Variants in FOCAD observed in about 807,000 individuals in gnomAD.
FOCAD encodes the protein KIAA1797.
In FOCAD, 198 loss-of-function variants were observed where a neutral mutation model predicts 225.6. That is an observed-to-expected ratio of 0.88 (90% CI 0.78 to 0.99). The LOEUF (loss-of-function observed/expected upper bound fraction) is 0.99. FOCAD is among the 50% of genes least tolerant of loss of function. The probability of loss-of-function intolerance (pLI) is 0.00; values close to 1 mark genes in which losing one functional copy is unlikely to be tolerated. For missense variants in FOCAD, 2,713 were observed against 2,123.6 expected (o/e 1.28, Z -5.46); for synonymous variants, 897 against 755.0 (o/e 1.19, Z -3.08).
At chr9:20,668,523 C>T (rs970838540) in intron 2 of FOCAD, among the ~76,000 whole-genome samples, 2 of 152,132 alleles carry the variant, frequency 1.3e-5, no homozygotes, top group Non-Finnish European at 2.9e-5. Context: ...CAGGCAACAT[C>T]TACATCAAAA....
At chr9:20,678,635 A>G (rs888478074) in intron 2 of FOCAD, among the ~76,000 whole-genome samples, 10 of 152,196 alleles carry the variant, frequency 6.6e-5, no homozygotes, top group African/African-American at 2.4e-5. Context: ...CCCTTGCTTC[A>G]GGAGATCAAG....
intron 15 of FOCAD, among the ~76,000 whole-genome samples, chr9:20,842,886 T>C (rs1285453175): frequency 6.6e-6 from 1 of 151,926 alleles, no homozygotes; most frequent in African/African-American, 2.4e-5. Flanking sequence ...ATATCTCCTG[T>C]GGGTTATTGA....
At chr9:20,929,709 A>C in intron 27 of FOCAD, 113 bp downstream of exon 27, 1 of 819,956 alleles carries the variant, frequency 1.2e-6, no homozygotes. Flanking sequence ...GTGTTTGCTA[A>C]ACTTTCTGAG....
chr9:20,957,777 C>CA, intron 35 of FOCAD, among the ~76,000 whole-genome samples: 1 of 144,014 alleles, frequency 6.9e-6, no homozygotes, highest in Non-Finnish European at 1.5e-5. Context: ...CTCTGCCTCC[C>CA]AAAGTGGATT....
intron 15 of FOCAD, among the ~76,000 whole-genome samples, chr9:20,823,957 A>G (rs781370152): frequency 9.2e-5 from 14 of 152,154 alleles, no homozygotes; most frequent in Non-Finnish European, 2.1e-4. Flanking sequence ...TGAGGAAGAT[A>G]GACCCCAGAG....
At chr9:20,909,779 G>A (rs1400946592) in intron 22 of FOCAD, among the ~76,000 whole-genome samples, 1 of 152,036 alleles carries the variant, frequency 6.6e-6, no homozygotes, top group Admixed American at 6.6e-5. Flanking sequence ...GAGTCCACAC[G>A]CTTAAATAGA....
intron 2 of FOCAD, among the ~76,000 whole-genome samples, chr9:20,673,813 C>T (rs1822150130): frequency 6.6e-6 from 1 of 152,206 alleles, no homozygotes; most frequent in African/African-American, 2.4e-5. Flanking sequence ...CTCAAGCGAT[C>T]TGCCCACCTG....
chr9:20,849,355 A>G (rs1206115787), intron 15 of FOCAD, among the ~76,000 whole-genome samples: 1 of 149,026 alleles, frequency 6.7e-6, no homozygotes, highest in Non-Finnish European at 1.5e-5. Context: ...CCCAACAGTT[A>G]CTGTCTGCTT....
intron 15 of FOCAD, among the ~76,000 whole-genome samples, chr9:20,859,318 G>A (rs1043792524): frequency 3.3e-5 from 5 of 151,428 alleles, no homozygotes; most frequent in African/African-American, 1.2e-4. Flanking sequence ...GGAGGTGGAG[G>A]TTGCAGTGAG....
intron 1 of FOCAD, chr9:20,684,677 A>C (rs934259751): frequency 5.9e-5 from 9 of 152,066 alleles, no homozygotes; most frequent in African/African-American, 2.2e-4. Flanking sequence ...CAGTCGTCCC[A>C]CTCTCCTTCG....
At chr9:20,902,960 A>G (rs1369046099) in intron 21 of FOCAD, among the ~76,000 whole-genome samples, 1 of 151,942 alleles carries the variant, frequency 6.6e-6, no homozygotes, top group Non-Finnish European at 1.5e-5. Flanking sequence ...ATTTTTTTAA[A>G]CTAGGTATTT....
At chr9:20,763,494 A>G (rs1829793066) in intron 6 of FOCAD, among the ~76,000 whole-genome samples, 1 of 152,216 alleles carries the variant, frequency 6.6e-6, no homozygotes, top group Non-Finnish European at 1.5e-5. Context: ...CAATAAAGGC[A>G]TTGTATCTTA....
At chr9:20,986,994 T>TAC (rs1841230571) in intron 40 of FOCAD, among the ~76,000 whole-genome samples, 1 of 152,148 alleles carries the variant, frequency 6.6e-6, no homozygotes, top group African/African-American at 2.4e-5. Flanking sequence ...ACGTTATGCT[T>TAC]TAATAATTAC....
intron 4 of FOCAD, among the ~76,000 whole-genome samples, 179 bp downstream of exon 4, chr9:20,720,713 C>T (rs148012590): frequency 1.7e-3 from 252 of 152,260 alleles, no homozygotes; most frequent in African/African-American, 5.9e-3. Flanking sequence ...CCTATAGTTT[C>T]AGAATTTGTG....
chr9:20,790,136 C>G (rs944799112), intron 11 of FOCAD, among the ~76,000 whole-genome samples: 4 of 152,136 alleles, frequency 2.6e-5, no homozygotes, highest in East Asian at 1.9e-4. Context: ...TGAGGGTAAA[C>G]AATTTTTCTT....
At chr9:20,851,721 C>T (rs972510695) in intron 15 of FOCAD, among the ~76,000 whole-genome samples, 4 of 151,822 alleles carry the variant, frequency 2.6e-5, no homozygotes, top group Admixed American at 6.6e-5. Context: ...TTCAAGTGTA[C>T]ATTAAAGTTA....
chr9:20,989,946 T>C (rs1841500402), intron 41 of FOCAD, among the ~76,000 whole-genome samples, 177 bp from the exon 42 acceptor site: 1 of 152,176 alleles, frequency 6.6e-6, no homozygotes, highest in South Asian at 2.1e-4. Context: ...TCATTAAACA[T>C]GGAAACTGAG....
chr9:20,878,471 T>A (rs919782038), intron 19 of FOCAD, among the ~76,000 whole-genome samples: 1 of 152,220 alleles, frequency 6.6e-6, no homozygotes, highest in Admixed American at 6.5e-5. Context: ...CAATAATAAT[T>A]AACTTTCGAA....
At chr9:20,914,308 C>T (rs1377173160) in intron 23 of FOCAD, among the ~76,000 whole-genome samples, 3 of 152,122 alleles carry the variant, frequency 2.0e-5, no homozygotes, top group African/African-American at 7.2e-5. Flanking sequence ...AATAAAGCCC[C>T]TTCTTTGTCC....
Sources: allele counts gnomAD v4.1 joint callset (sites outside exome capture counted in the v4.1 genomes callset), GRCh38; gene constraint gnomAD v4.1.1; transcripts MANE v1.5; gene names NCBI Gene and HGNC (gene_info 2026-07-23, HGNC 2026-07-21).